Variants in ZNF385D observed in about 807,000 individuals in gnomAD.
ZNF385D encodes the protein zinc finger protein 659.
ZNF385D carries 15 observed loss-of-function variants against 35.8 expected under a neutral mutation model. That is an observed-to-expected ratio of 0.42 (90% CI 0.28 to 0.64). The LOEUF (loss-of-function observed/expected upper bound fraction) is 0.64, where lower values mean the gene tolerates loss of function less well. ZNF385D is among the 30% of genes least tolerant of loss of function. The pLI is 0.23. For synonymous variants in ZNF385D, 212 were observed against 186.8 expected (o/e 1.13, Z -1.10); for missense variants, 474 against 494.6 (o/e 0.96, Z 0.39).
At chr3:21,694,805 A>G (rs535672370) in intron 1 of ZNF385D, among the ~76,000 whole-genome samples, 4 of 152,334 alleles carry the variant, frequency 2.6e-5, no homozygotes, top group Non-Finnish European at 5.9e-5. Flanking sequence ...CTAACTGTGT[A>G]GTGTCGGGCC....
At chr3:22,369,450 T>C (rs1028046743) in intron 2 of ZNF385D, among the ~76,000 whole-genome samples, 1 of 152,166 alleles carries the variant, frequency 6.6e-6, no homozygotes, top group Non-Finnish European at 1.5e-5. Context: ...TGTTAGCTAC[T>C]ATAAAAACCT....
intron 4 of ZNF385D, among the ~76,000 whole-genome samples, chr3:21,468,091 AT>A (rs1262299631): frequency 1.3e-5 from 2 of 152,162 alleles, no homozygotes; most frequent in African/African-American, 4.8e-5. Context: ...TTACCAAAAA[AT>A]AAAAAATGTG....
chr3:22,220,716 C>T lies in ZNF385D; in HGVS notation c.107-51681G>A, dbSNP rs1002301727. Among the ~76,000 whole-genome samples, 8 of 152,332 alleles carry T rather than the reference C, an allele frequency of 5.3e-5. No homozygotes were observed. The East Asian group carries it at 1.5e-3, about 29-fold the overall frequency. On this transcript the variant is annotated intron_variant, in intron 2 of 5. Transcript: ENST00000494108. ...GTGATTACATAGACTCTTATAGACT[C>T]ATTCAATGTTACATTCCTGAAGCCC... is the stretch of plus-strand genomic sequence containing the variant.
At chr3:22,348,852 T>C (rs990165358) in intron 2 of ZNF385D, among the ~76,000 whole-genome samples, 1 of 152,174 alleles carries the variant, frequency 6.6e-6, no homozygotes, top group Non-Finnish European at 1.5e-5. Context: ...TTTCTGTTTT[T>C]TAACCCACTC....
intron 2 of ZNF385D, among the ~76,000 whole-genome samples, chr3:22,308,133 A>G (rs1210185682): frequency 6.6e-6 from 1 of 152,114 alleles, no homozygotes; most frequent in African/African-American, 2.4e-5. Flanking sequence ...AGTGAGTGCA[A>G]CTTCCAAAAG....
At chr3:22,119,439 G>C (rs1702973988) in intron 3 of ZNF385D, among the ~76,000 whole-genome samples, 1 of 151,982 alleles carries the variant, frequency 6.6e-6, no homozygotes, top group South Asian at 2.1e-4. Context: ...TTGTTGGGGG[G>C]AATATGCTTT....
chr3:21,737,859 T>C (rs2069320786), intron 1 of ZNF385D, among the ~76,000 whole-genome samples: 1 of 151,950 alleles, frequency 6.6e-6, no homozygotes, highest in Admixed American at 6.6e-5. Flanking sequence ...TTTGGAAGAG[T>C]ATGGTTCTTC....
At chr3:22,291,304 T>G (rs1702289976) in intron 2 of ZNF385D, among the ~76,000 whole-genome samples, 1 of 152,254 alleles carries the variant, frequency 6.6e-6, no homozygotes, top group African/African-American at 2.4e-5. Flanking sequence ...AAGGAAAGAT[T>G]ATAGTGTTGT....
intron 1 of ZNF385D, among the ~76,000 whole-genome samples, chr3:21,739,261 G>A (rs750336000): frequency 1.3e-5 from 2 of 152,150 alleles, no homozygotes; most frequent in African/African-American, 2.4e-5. Context: ...AAACATTTAC[G>A]AATCCGATGT....
intron 2 of ZNF385D, among the ~76,000 whole-genome samples, chr3:21,631,867 T>C (rs1432638391): frequency 6.6e-6 from 1 of 152,126 alleles, no homozygotes; most frequent in East Asian, 1.9e-4. Context: ...TTTTTAGGGA[T>C]GCAATCTCAT....
intron 1 of ZNF385D, among the ~76,000 whole-genome samples, chr3:21,676,531 T>C (rs778147112): frequency 2.6e-5 from 4 of 151,870 alleles, no homozygotes; most frequent in Non-Finnish European, 4.4e-5. Context: ...TATTAAATGA[T>C]TGTAAGCAAG....
intron 2 of ZNF385D, among the ~76,000 whole-genome samples, chr3:22,296,160 T>C (rs1158033181): frequency 6.6e-6 from 1 of 152,160 alleles, no homozygotes. Flanking sequence ...CAGATAACAC[T>C]TTCTGTTTCA....
chr3:21,693,702 T>C (rs753994972), intron 1 of ZNF385D, among the ~76,000 whole-genome samples: 7 of 152,160 alleles, frequency 4.6e-5, no homozygotes, highest in Non-Finnish European at 7.4e-5. Context: ...CCCTATTGAC[T>C]ATTTTTAAAG....
chr3:22,200,853 A>T (rs1358491975), intron 2 of ZNF385D, among the ~76,000 whole-genome samples: 2 of 152,138 alleles, frequency 1.3e-5, no homozygotes, highest in Non-Finnish European at 2.9e-5. Context: ...AAGAAGAGAA[A>T]TATGGCTCTG....
At chr3:22,369,026 T>A (rs956287207) in intron 2 of ZNF385D, among the ~76,000 whole-genome samples, 1 of 152,328 alleles carries the variant, frequency 6.6e-6, no homozygotes, top group South Asian at 2.1e-4. Context: ...ATTTAAGCAC[T>A]TGCTTGATTT....
intron 3 of ZNF385D, among the ~76,000 whole-genome samples, chr3:21,950,073 G>C (rs1343581888): frequency 6.6e-6 from 1 of 151,924 alleles, no homozygotes; most frequent in Non-Finnish European, 1.5e-5. Context: ...TATATACCCA[G>C]TAATGGGATT....
chr3:21,693,608 G>A (rs2067355924), intron 1 of ZNF385D, among the ~76,000 whole-genome samples: 2 of 152,256 alleles, frequency 1.3e-5, no homozygotes, highest in Non-Finnish European at 1.5e-5. Context: ...GGGATACCAA[G>A]AGGAATCATG....
At chr3:21,883,199 G>C (rs1394722214) in intron 3 of ZNF385D, among the ~76,000 whole-genome samples, 1 of 151,728 alleles carries the variant, frequency 6.6e-6, no homozygotes, top group African/African-American at 2.4e-5. Context: ...CTCATCAAGA[G>C]CTCAATTTTT....
intron 2 of ZNF385D, among the ~76,000 whole-genome samples, chr3:22,251,952 A>G (rs1363654848): frequency 6.6e-6 from 1 of 152,082 alleles, no homozygotes; most frequent in Non-Finnish European, 1.5e-5. Context: ...TAAATGGATA[A>G]TGCTTGCAAA....
Sources: gnomAD v4.1 joint callset for allele counts (sites outside exome capture counted in the v4.1 genomes callset) on GRCh38, gnomAD v4.1.1 for gene constraint, MANE v1.5 for transcripts, NCBI Gene and HGNC (gene_info 2026-07-23, HGNC 2026-07-21) for gene names.